The following NDST1 variants were observed in gnomAD, a reference collection of about 807,000 sequenced individuals.
NDST1 encodes bifunctional heparan sulfate N-deacetylase/N-sulfotransferase 1.
A neutral mutation model predicts 92.8 loss-of-function variants in NDST1; 35 were observed. The ratio of observed to expected loss-of-function variants is 0.38; its 90% CI spans 0.29 to 0.50. The LOEUF (loss-of-function observed/expected upper bound fraction) is 0.50, where lower values mean the gene tolerates loss of function less well. NDST1 is among the 20% of genes least tolerant of loss of function. NDST1 has a pLI of 0.94. For synonymous variants in NDST1, 493 were observed against 500.3 expected (o/e 0.99, Z 0.19); for missense variants, 822 against 1,182.7 (o/e 0.69, Z 4.47).
chr5:150,520,252 G>C, intron 1 of NDST1, among the ~76,000 whole-genome samples: 1 of 152,150 alleles, frequency 6.6e-6, no homozygotes, highest in East Asian at 1.9e-4. Context: ...ATGGTCACCT[G>C]AGGCCTTCTC....
chr5:150,513,447 T>C (rs1292619558), intron 1 of NDST1, among the ~76,000 whole-genome samples: 1 of 152,166 alleles, frequency 6.6e-6, no homozygotes, highest in Non-Finnish European at 1.5e-5. Flanking sequence ...GGAGTGATCC[T>C]GGGCAACAGA....
intron 1 of NDST1, among the ~76,000 whole-genome samples, chr5:150,515,892 C>A (rs1753937859): frequency 6.6e-6 from 1 of 152,256 alleles, no homozygotes; most frequent in South Asian, 2.1e-4. Context: ...TGCAGAGGGG[C>A]TGTGCTGGAA....
Position 150,553,434 on chromosome 5 carries a change from G to T in NDST1, c.*102G>T. 2 of 1,461,194 alleles carry T rather than the reference G, an allele frequency of 1.4e-6. No homozygotes were observed. Among genetic ancestry groups the T allele is most frequent in the Non-Finnish European group, 1.9e-6 (2 of 1,052,892 alleles). 90.5% of individuals were successfully genotyped at this position (1,461,194 alleles called of 1,614,324 possible). On this transcript the variant is annotated 3_prime_UTR_variant, in exon 15 of 15. Transcript: ENST00000261797. This position sits in a 1 kb window ranked among gnomAD's most constrained non-coding sequence, Gnocchi z 4.2. ...TGGGAAGCTGGACCAGGGCAGCTGC[G>T]CACTTATGAGCAATACTCTGTGGAG...
At chr5:150,522,796 C>T (rs1453686369) in intron 2 of NDST1, among the ~76,000 whole-genome samples, 1 of 152,162 alleles carries the variant, frequency 6.6e-6, no homozygotes, top group African/African-American at 2.4e-5. Flanking sequence ...GGGAGCTTGA[C>T]ATTATTTTAG....
chr5:150,535,616 C>A (rs974525380), intron 5 of NDST1, 84 bp from the exon 6 acceptor site: 29 of 1,522,124 alleles, frequency 1.9e-5, no homozygotes, highest in Middle Eastern at 1.7e-4. Context: ...CCTCTGATTT[C>A]TCTCTCCCAT....
At chr5:150,540,317 TCACAGG>T in intron 8 of NDST1, 53 bp downstream of exon 8, 1 of 1,535,788 alleles carries the variant, frequency 6.5e-7, no homozygotes, top group Non-Finnish European at 8.8e-7. Context: ...ACGCCACCAC[TCACAGG>T]CACACACTCC....
rs1755576152 is a variant in NDST1 at position 150,548,230 on chromosome 5, C to T, written c.2158C>T (p.His720Tyr). 7 of 1,614,194 alleles carry T rather than the reference C, an allele frequency of 4.3e-6. No homozygotes were observed. The highest frequency in any genetic ancestry group is 5.9e-6 in the Non-Finnish European group (7 of 1,180,038). Residue 720 changes from histidine (H) to tyrosine (Y), a missense_variant, in exon 12 of 15, where the codon CAT becomes TAT. His to Tyr is a moderately conservative substitution (Grantham distance 83). Transcript: ENST00000261797. The part of the protein sequence containing the change: ...AYSWYQHQRA[H>Y]DDPVALKYTF... The stretch of plus-strand genomic sequence containing the variant: ...TCCTTGCCTGCAGCACCAGCGAGCC[C>T]ATGACGACCCAGTGGCCCTAAAGTA...
chr5:150,543,994 G>T (rs1368971832), intron 10 of NDST1, among the ~76,000 whole-genome samples: 1 of 152,150 alleles, frequency 6.6e-6, no homozygotes, highest in Non-Finnish European at 1.5e-5. Flanking sequence ...TGGTCAGGCT[G>T]GTCTTGAACT....
At chr5:150,519,681 G>A (rs1031200463) in intron 1 of NDST1, among the ~76,000 whole-genome samples, 10 of 151,332 alleles carry the variant, frequency 6.6e-5, no homozygotes, top group African/African-American at 1.5e-4. Context: ...GTGAAACTCC[G>A]CCTCAAAAAA....
intron 4 of NDST1, among the ~76,000 whole-genome samples, chr5:150,533,785 T>A (rs75351675): frequency 0.034 from 5,233 of 152,252 alleles, 330 homozygotes; most frequent in East Asian, 0.29. Flanking sequence ...CTTTTTAAAA[T>A]TTTTTATATA....
At chr5:150,527,445 C>G (rs1233164793) in intron 2 of NDST1, among the ~76,000 whole-genome samples, 2 of 152,192 alleles carry the variant, frequency 1.3e-5, no homozygotes, top group Non-Finnish European at 2.9e-5. Context: ...GTCAGGCAGT[C>G]TAGCAGGATT....
At chr5:150,542,716 G>A in intron 9 of NDST1, 132 bp from the exon 10 acceptor site, 1 of 1,172,850 alleles carries the variant, frequency 8.5e-7, no homozygotes, top group South Asian at 1.3e-5. Flanking sequence ...AGATGAAGAA[G>A]CTAAGACCAG....
intron 12 of NDST1, among the ~76,000 whole-genome samples, chr5:150,548,964 CTG>C (rs1325045809): frequency 6.6e-6 from 1 of 152,156 alleles, no homozygotes; most frequent in African/African-American, 2.4e-5. Context: ...AGCAAGGAGA[CTG>C]GGCGTGGTGA....
intron 1 of NDST1, among the ~76,000 whole-genome samples, chr5:150,509,852 G>A (rs1045856898): frequency 6.6e-6 from 1 of 152,186 alleles, no homozygotes; most frequent in Non-Finnish European, 1.5e-5. Flanking sequence ...GGGGGCGTGA[G>A]GACCCTCTGG....
In NDST1 at chr5:150,521,833, A is replaced by C; in HGVS notation, c.513+66A>C. The C allele has an allele frequency of 1.0e-5, 16 of 1,594,424 alleles. No homozygotes were observed. The highest frequency in any genetic ancestry group is 1.4e-5 in the Non-Finnish European group (16 of 1,172,804). ...TCTGCAGCTCAGTGCCTGAATTCTCATTTGTGAAATAGGTGTAATGGTAGC... is the reference window on the plus strand; with the variant it reads ...TCTGCAGCTCAGTGCCTGAATTCTCCTTTGTGAAATAGGTGTAATGGTAGC... On this transcript the variant is annotated intron_variant, in intron 2 of 14. Coordinates refer to ENST00000261797, the MANE Select transcript of NDST1 (RefSeq NM_001543.5). This position sits in a 1 kb window ranked among gnomAD's most constrained non-coding sequence, Gnocchi z 5.9.
At chr5:150,522,440 G>T (rs191989510) in intron 2 of NDST1, among the ~76,000 whole-genome samples, 5 of 152,086 alleles carry the variant, frequency 3.3e-5, no homozygotes, top group African/African-American at 1.2e-4. Flanking sequence ...TGTCCTTGGC[G>T]GGGGGAGGTT....
At chr5:150,548,505 G>A in intron 12 of NDST1, 117 bp downstream of exon 12, 4 of 1,119,858 alleles carry the variant, frequency 3.6e-6, no homozygotes, top group Non-Finnish European at 5.2e-6. Flanking sequence ...TCCTTGGAGA[G>A]CTAGACCCTT....
intron 3 of NDST1, among the ~76,000 whole-genome samples, chr5:150,530,885 AG>A (rs1754700059): frequency 6.6e-6 from 1 of 152,130 alleles, no homozygotes; most frequent in African/African-American, 2.4e-5. Context: ...TTAAAGTGAA[AG>A]GAATGATAGC....
chr5:150,507,254 G>A (rs760070365), upstream of NDST1, among the ~76,000 whole-genome samples: 8 of 151,542 alleles, frequency 5.3e-5, no homozygotes, highest in South Asian at 4.1e-4. Flanking sequence ...TAAGCCCCAC[G>A]TATAAACATA....
Sources: gnomAD v4.1 joint callset for allele counts (sites outside exome capture counted in the v4.1 genomes callset) on GRCh38, gnomAD v4.1.1 for gene constraint, Gnocchi (gnomAD v3.1) non-coding constraint, MANE v1.5 for transcripts, NCBI Gene and HGNC (gene_info 2026-07-23, HGNC 2026-07-21) for gene names.